Variants in NFIA observed in about 807,000 individuals in gnomAD.
The protein encoded by NFIA is nuclear factor I A.
NFIA carries 8 observed loss-of-function variants against 62.8 expected under a neutral mutation model. The observed-to-expected ratio is 0.13, with a 90% confidence interval of 0.07 to 0.23. The LOEUF (loss-of-function observed/expected upper bound fraction) is 0.23. NFIA is among the 10% of genes least tolerant of loss of function. The pLI is 1.00. For synonymous variants in NFIA, 235 were observed against 238.1 expected (o/e 0.99, Z 0.12); for missense variants, 410 against 642.1 (o/e 0.64, Z 3.91).
At chr1:61,257,355 T>TG (rs1491116423) in intron 2 of NFIA, among the ~76,000 whole-genome samples, 74 of 101,498 alleles carry the variant, frequency 7.3e-4, no homozygotes, top group African/African-American at 2.7e-3. Context: ...TTTTTTTTTT[T>TG]GAGACAGAGT....
chr1:61,167,292 T>C (rs1465169038), intron 2 of NFIA, among the ~76,000 whole-genome samples: 1 of 152,300 alleles, frequency 6.6e-6, no homozygotes, highest in East Asian at 1.9e-4. Flanking sequence ...GTGTACTGAT[T>C]TGGAGTATGT....
chr1:61,090,308 C>G (rs1336725865), intron 2 of NFIA, among the ~76,000 whole-genome samples: 1 of 152,062 alleles, frequency 6.6e-6, no homozygotes, highest in African/African-American at 2.4e-5. Flanking sequence ...AAAAATATAA[C>G]CTATAAATTA....
chr1:61,190,942 A>T (rs1243320211), intron 2 of NFIA, among the ~76,000 whole-genome samples: 2 of 152,208 alleles, frequency 1.3e-5, no homozygotes, highest in Non-Finnish European at 2.9e-5. Flanking sequence ...TACTATAAAA[A>T]GCCAACTTTG....
At chr1:61,197,383 C>T (rs111432644) in intron 2 of NFIA, among the ~76,000 whole-genome samples, 9 of 151,390 alleles carry the variant, frequency 5.9e-5, no homozygotes, top group African/African-American at 2.2e-4. Context: ...GGATTACAGG[C>T]GCCTGCCACC....
At position 61,296,967 on chromosome 1, in the gene NFIA, A is replaced by G. The variant is rs938103203; in HGVS notation, c.625+19382A>G. ...ACAATTTTTTTGGTCTGTGGTACCTACAGAGGAGGTTCTTACTTATAATGT... is the reference window on the plus strand; with the variant it reads ...ACAATTTTTTTGGTCTGTGGTACCTGCAGAGGAGGTTCTTACTTATAATGT... On this transcript the variant is annotated intron_variant, in intron 3 of 10. Coordinates refer to ENST00000403491, the MANE Select transcript of NFIA (RefSeq NM_001134673.4). 2.0e-5 allele frequency among the ~76,000 whole-genome samples: 3 copies of G among 152,248 alleles called. No individual in the cohort carries two copies. In the South Asian group the frequency reaches 6.2e-4, roughly 32 times the overall value.
chr1:61,302,162 G>A (rs756016258), intron 3 of NFIA, among the ~76,000 whole-genome samples: 1 of 152,194 alleles, frequency 6.6e-6, no homozygotes, highest in Admixed American at 6.5e-5. Context: ...GCAGTGAAGT[G>A]TGGGCTAGGA....
At chr1:61,246,337 C>A (rs1655649163) in intron 2 of NFIA, among the ~76,000 whole-genome samples, 1 of 152,084 alleles carries the variant, frequency 6.6e-6, no homozygotes, top group South Asian at 2.1e-4. Flanking sequence ...TAGATATGTT[C>A]ATCAACGTTA....
chr1:61,347,165 CTTTTTTTTTTTTTT>C (rs869046737), intron 4 of NFIA, among the ~76,000 whole-genome samples: 4 of 70,110 alleles, frequency 5.7e-5, no homozygotes, highest in Non-Finnish European at 9.6e-5. Flanking sequence ...CTGGATCCCA[CTTTTTTTTTTTTTT>C]TTTTTTTTTT....
intron 2 of NFIA, among the ~76,000 whole-genome samples, chr1:61,124,476 A>G (rs1646936206): frequency 6.6e-6 from 1 of 152,144 alleles, no homozygotes; most frequent in Admixed American, 6.6e-5. Context: ...AATCCTTCTT[A>G]AGGATTTTCT....
At chr1:61,185,940 A>G (rs1450731609) in intron 2 of NFIA, among the ~76,000 whole-genome samples, 2 of 152,118 alleles carry the variant, frequency 1.3e-5, no homozygotes, top group African/African-American at 4.8e-5. Context: ...CTTTTGCACT[A>G]TGATGTCAGT....
intron 9 of NFIA, among the ~76,000 whole-genome samples, chr1:61,409,068 C>T (rs1665981322): frequency 6.6e-6 from 1 of 152,166 alleles, no homozygotes; most frequent in African/African-American, 2.4e-5. Flanking sequence ...CCTCAAGCAT[C>T]TTGTCAGCAC....
At chr1:61,302,552 C>T (rs1430940889) in intron 3 of NFIA, among the ~76,000 whole-genome samples, 1 of 151,986 alleles carries the variant, frequency 6.6e-6, no homozygotes, top group Non-Finnish European at 1.5e-5. Context: ...TAGATCATTC[C>T]CCAACAGGAT....
At chr1:61,214,089 AT>A (rs1653448132) in intron 2 of NFIA, among the ~76,000 whole-genome samples, 1 of 152,146 alleles carries the variant, frequency 6.6e-6, no homozygotes, top group Non-Finnish European at 1.5e-5. Context: ...GGTTGAGCTA[AT>A]TTCTGCTTAC....
intron 2 of NFIA, among the ~76,000 whole-genome samples, chr1:61,219,723 A>AAAAAAG (rs1487149998): frequency 1.2e-4 from 17 of 137,682 alleles, no homozygotes; most frequent in African/African-American, 4.9e-4. Context: ...CAAAAAAAAA[A>AAAAAAG]AAAGAAAAAA....
At chr1:61,166,188 G>T (rs745484597) in intron 2 of NFIA, among the ~76,000 whole-genome samples, 1 of 152,118 alleles carries the variant, frequency 6.6e-6, no homozygotes, top group African/African-American at 2.4e-5. Flanking sequence ...AAACCTATTT[G>T]TATAGGAAAA....
upstream of NFIA, chr1:61,082,441 G>A (rs530039473): frequency 4.8e-6 from 5 of 1,033,306 alleles, no homozygotes; most frequent in East Asian, 1.0e-4. Context: ...GGCGGAGGCG[G>A]GCGCGCGGGC....
chr1:61,414,445 T>C (rs1007583881), intron 9 of NFIA, among the ~76,000 whole-genome samples: 2 of 152,184 alleles, frequency 1.3e-5, no homozygotes, highest in African/African-American at 4.8e-5. Flanking sequence ...ATAATTTCCA[T>C]CCAATTCACC....
chr1:61,385,378 C>T (rs1401884473), intron 7 of NFIA, among the ~76,000 whole-genome samples: 1 of 152,220 alleles, frequency 6.6e-6, no homozygotes, highest in Non-Finnish European at 1.5e-5. Flanking sequence ...AGTATGCCAG[C>T]AATCAGGAGA....
intron 7 of NFIA, among the ~76,000 whole-genome samples, chr1:61,390,216 T>A (rs921803255): frequency 6.6e-6 from 1 of 152,170 alleles, no homozygotes; most frequent in Non-Finnish European, 1.5e-5. Flanking sequence ...CTTCGCATTA[T>A]GGGCATGGAA....
Sources: gnomAD v4.1 joint callset for allele counts (sites outside exome capture counted in the v4.1 genomes callset) on GRCh38, gnomAD v4.1.1 for gene constraint, MANE v1.5 for transcripts, NCBI Gene and HGNC (gene_info 2026-07-23, HGNC 2026-07-21) for gene names.